Variants in SH3RF3 observed in about 807,000 individuals in gnomAD.
The protein encoded by SH3RF3 is E3 ubiquitin-protein ligase SH3RF3.
A neutral mutation model predicts 66.3 loss-of-function variants in SH3RF3; 29 were observed. The observed-to-expected ratio is 0.44, with a 90% CI of 0.33 to 0.60. SH3RF3 has a LOEUF of 0.60. Among genes scored for constraint, SH3RF3 ranks in the 20% least tolerant of loss-of-function variants. The probability of loss-of-function intolerance (pLI) is 0.04; values close to 1 mark genes in which losing one functional copy is unlikely to be tolerated. For synonymous variants in SH3RF3, 583 were observed against 532.0 expected, an observed-to-expected ratio of 1.10 and a Z score of -1.32; for missense variants, 1,194 against 1,190.9, an observed-to-expected ratio of 1.00 and a Z score of -0.04.
Position 109,330,641 on chromosome 2 carries a change from C to T in SH3RF3, c.574-17033C>T, listed in dbSNP as rs138367620. The stretch of plus-strand genomic sequence containing the variant: ...TGTGGTGGATGGATGGAGGGAGAGA[C>T]GGAAGGGAGGGATGATAGATTGAGG... On this transcript the variant is annotated intron_variant, in intron 1 of 9. Transcript: ENST00000309415. Among the ~76,000 whole-genome samples the T allele has an allele frequency of 1.1e-4, 16 of 151,572 alleles. 1 individual carries two copies. Among genetic ancestry groups the T allele is most frequent in the African/African-American group, 2.4e-4 (10 of 41,294 alleles).
intron 1 of SH3RF3, among the ~76,000 whole-genome samples, chr2:109,172,019 C>T (rs1015946086): frequency 1.3e-5 from 2 of 152,234 alleles, no homozygotes; most frequent in African/African-American, 4.8e-5. Context: ...AGGCAGGGCC[C>T]AGCACTGTGG....
In SH3RF3 at chr2:109,388,886, T is replaced by C. The variant is rs551136549; in HGVS notation, c.946-9704T>C. ...AGGGAAGGAGGAAATGCTTGCCACCTGGAGGCTTTCTAGGTAATAGAGATT... is the reference window on the plus strand; with the variant it reads ...AGGGAAGGAGGAAATGCTTGCCACCCGGAGGCTTTCTAGGTAATAGAGATT... On this transcript the variant is annotated intron_variant, in intron 3 of 9. Transcript: ENST00000309415. 2.0e-5 allele frequency among the ~76,000 whole-genome samples: 3 copies of C among 152,234 alleles called. No individual in the cohort carries two copies. The East Asian group carries it at 5.8e-4, about 29-fold the overall frequency.
chr2:109,376,475 G>A lies in SH3RF3; in HGVS notation c.945+4794G>A, dbSNP rs551287572. On this transcript the variant is annotated intron_variant, in intron 3 of 9. Transcript: ENST00000309415. Reference sequence around the variant, plus strand: ...ACTTAGAAGGCATGTTAGCAAATACGCCAGTGATTCTCGTCTGCGAGGAAA... The same window carrying A: ...ACTTAGAAGGCATGTTAGCAAATACACCAGTGATTCTCGTCTGCGAGGAAA... 1.9e-4 allele frequency among the ~76,000 whole-genome samples: 29 copies of A among 152,274 alleles called. 1 individual carries two copies. In the South Asian group the frequency reaches 2.5e-3, roughly 13 times the overall value.
intron 1 of SH3RF3, among the ~76,000 whole-genome samples, chr2:109,284,201 A>G (rs1395577012): frequency 3.3e-5 from 5 of 152,190 alleles, no homozygotes; most frequent in African/African-American, 1.2e-4. Context: ...AGTTTTCTCA[A>G]GTGTGGTGTG....
chr2:109,305,425 T>C (rs1681568330), intron 1 of SH3RF3, among the ~76,000 whole-genome samples: 1 of 152,170 alleles, frequency 6.6e-6, no homozygotes, highest in Non-Finnish European at 1.5e-5. Flanking sequence ...AACATCGTGC[T>C]TCCTATTTCC....
chr2:109,453,432 C>T (rs538643009), intron 8 of SH3RF3, among the ~76,000 whole-genome samples: 12 of 152,298 alleles, frequency 7.9e-5, no homozygotes, highest in Admixed American at 4.6e-4. Context: ...TGTGTCCATC[C>T]GTGACAGTTT....
intron 8 of SH3RF3, among the ~76,000 whole-genome samples, chr2:109,480,700 G>T (rs889488382): frequency 3.9e-5 from 6 of 152,128 alleles, no homozygotes; most frequent in Non-Finnish European, 7.4e-5. Flanking sequence ...CTGGGTACAG[G>T]CTCCTAACCT....
intron 1 of SH3RF3, among the ~76,000 whole-genome samples, chr2:109,324,327 G>A (rs1371301038): frequency 6.6e-6 from 1 of 152,136 alleles, no homozygotes; most frequent in African/African-American, 2.4e-5. Flanking sequence ...GGGGTACTGG[G>A]TCGCATGGTA....
At chr2:109,459,235 C>G (rs1363367034) in intron 8 of SH3RF3, among the ~76,000 whole-genome samples, 3 of 152,140 alleles carry the variant, frequency 2.0e-5, no homozygotes, top group Non-Finnish European at 4.4e-5. Flanking sequence ...GCTTAATATA[C>G]ACATTCACAC....
chr2:109,176,989 C>T (rs541227417), intron 1 of SH3RF3, among the ~76,000 whole-genome samples: 278 of 152,240 alleles, frequency 1.8e-3, no homozygotes, highest in African/African-American at 5.8e-3. Flanking sequence ...CTCAAGAGAG[C>T]CCTGCACTGG....
At position 109,264,455 on chromosome 2, in the gene SH3RF3, C is replaced by T. The variant is rs555611802; in HGVS notation, c.574-83219C>T. ...CCACCCCAAGTCTGTGTGTGCTCCC[C>T]ATCTACCTCCCTATATGTCCTGCTG... is the stretch of plus-strand genomic sequence containing the variant. On this transcript the variant is annotated intron_variant, in intron 1 of 9. Transcript: ENST00000309415. Among the ~76,000 whole-genome samples the T allele has an allele frequency of 2.0e-5, 3 of 152,398 alleles. No individual in the cohort carries two copies. The South Asian group carries it at 6.2e-4, about 32-fold the overall frequency.
At chr2:109,186,762 G>T (rs1678198333) in intron 1 of SH3RF3, among the ~76,000 whole-genome samples, 1 of 152,108 alleles carries the variant, frequency 6.6e-6, no homozygotes, top group Non-Finnish European at 1.5e-5. Context: ...GGCAGCATGT[G>T]GGAATGCAGA....
intron 7 of SH3RF3, among the ~76,000 whole-genome samples, chr2:109,441,886 A>T (rs12105669): frequency 0.048 from 7,300 of 152,282 alleles, 532 homozygotes; most frequent in African/African-American, 0.15. Context: ...TGACAGAATA[A>T]CCAAAAAACA....
chr2:109,344,922 A>C (rs989767290), intron 1 of SH3RF3, among the ~76,000 whole-genome samples: 4 of 152,136 alleles, frequency 2.6e-5, no homozygotes, highest in African/African-American at 9.7e-5. Flanking sequence ...GGGACATCAC[A>C]GGCACAGGTT....
At chr2:109,226,956 A>G (rs1424253612) in intron 1 of SH3RF3, among the ~76,000 whole-genome samples, 2 of 152,204 alleles carry the variant, frequency 1.3e-5, no homozygotes, top group Non-Finnish European at 2.9e-5. Context: ...GGCCGGGTTC[A>G]TGGCTCAGAT....
intron 1 of SH3RF3, among the ~76,000 whole-genome samples, chr2:109,131,508 G>A (rs546678536): frequency 7.2e-5 from 11 of 152,088 alleles, no homozygotes; most frequent in African/African-American, 2.7e-4. Flanking sequence ...TGTGATATTC[G>A]GAGCCCCGCT....
intron 1 of SH3RF3, among the ~76,000 whole-genome samples, chr2:109,193,232 G>A (rs976770899): frequency 6.6e-6 from 1 of 152,204 alleles, no homozygotes; most frequent in African/African-American, 2.4e-5. Flanking sequence ...GAGTGAGTGA[G>A]AGAGAAATAG....
chr2:109,362,707 C>T (rs868681930), intron 2 of SH3RF3, among the ~76,000 whole-genome samples: 13 of 152,208 alleles, frequency 8.5e-5, no homozygotes, highest in Admixed American at 3.9e-4. Flanking sequence ...GATTCATCTA[C>T]TTCTCCTTCT....
chr2:109,354,576 G>A (rs1682907552), intron 2 of SH3RF3, among the ~76,000 whole-genome samples: 1 of 152,250 alleles, frequency 6.6e-6, no homozygotes, highest in Non-Finnish European at 1.5e-5. Context: ...AAGGTTTTCA[G>A]TGATCGTGGC....
Sources: gnomAD v4.1 joint callset for allele counts (sites outside exome capture counted in the v4.1 genomes callset) on GRCh38, gnomAD v4.1.1 for gene constraint, MANE v1.5 for transcripts, NCBI Gene and HGNC (gene_info 2026-07-23, HGNC 2026-07-21) for gene names.